The following CCDC30 variants were observed in gnomAD, a reference collection of about 807,000 sequenced individuals.
CCDC30 encodes the protein coiled-coil domain containing 30.
A neutral mutation model predicts 100.2 loss-of-function variants in CCDC30; 70 were observed. The observed-to-expected ratio is 0.70, with a 90% CI of 0.58 to 0.85. The LOEUF is 0.85. Ranked by LOEUF, CCDC30 falls within the 40% of genes least tolerant of loss-of-function variation. CCDC30 has a pLI of 0.00. For synonymous variants in CCDC30, 233 were observed against 269.5 expected, an observed-to-expected ratio of 0.86 and a Z score of 1.33; for missense variants, 652 against 771.2, an observed-to-expected ratio of 0.85 and a Z score of 1.83.
Position 42,573,730 on chromosome 1 carries a change from T to C in CCDC30, c.637-3290T>C, listed in dbSNP as rs146868895. Among the ~76,000 whole-genome samples the C allele has an allele frequency of 7.1e-3, 1,086 of 152,152 alleles. 16 individuals carry two copies. Among genetic ancestry groups the C allele is most frequent in the African/African-American group, 0.025 (1,025 of 41,560 alleles). On this transcript the variant is annotated intron_variant, in intron 7 of 16. Transcript: ENST00000668663. ...TAGCTTTTTAAAAATAGATATTTTA[T>C]CCAAATGTACTTTAGAAAGAAAGAA...
rs755207387 is a variant in CCDC30, at chr1:42,653,940, C to G, written c.2045C>G (p.Ser682Ter). 2.5e-6 allele frequency: 4 copies of G among 1,614,074 alleles called. No homozygotes were observed. In the Admixed American group the frequency reaches 6.7e-5, roughly 27 times the overall value. ...AAGTCTCCTGAGAATCTTGTGTGTT[C>G]ACAGAATTCTGAGGCTGGATACATA... The change falls in exon 17 of 17, where the codon TCA becomes TGA. Residue 682 changes from serine (S) to a stop codon, truncating the protein, a stop_gained. Transcript: ENST00000668663. LOFTEE classifies it low-confidence loss of function (END_TRUNC).
chr1:42,513,202 C>A (rs1048439033), intron 6 of CCDC30, among the ~76,000 whole-genome samples: 1 of 151,978 alleles, frequency 6.6e-6, no homozygotes, highest in Non-Finnish European at 1.5e-5. Context: ...GTTTAATAGG[C>A]AGAAGAAAGG....
At chr1:42,603,580 T>C (rs1185929321) in intron 10 of CCDC30, among the ~76,000 whole-genome samples, 4 of 152,228 alleles carry the variant, frequency 2.6e-5, no homozygotes, top group Admixed American at 2.0e-4. Context: ...GAGATACTAC[T>C]ACATACCTAT....
At chr1:42,501,541 G>T (rs1254074849) in intron 6 of CCDC30, among the ~76,000 whole-genome samples, 5 of 152,222 alleles carry the variant, frequency 3.3e-5, no homozygotes, top group Non-Finnish European at 5.9e-5. Flanking sequence ...CTGATTTTTA[G>T]AATTTTCAGC....
chr1:42,605,912 G>A (rs1646492457), intron 10 of CCDC30, among the ~76,000 whole-genome samples: 1 of 152,128 alleles, frequency 6.6e-6, no homozygotes, highest in Admixed American at 6.5e-5. Context: ...TTTGAACTGT[G>A]TTGGTCCACT....
At chr1:42,551,774 T>C (rs1014682682) in intron 6 of CCDC30, among the ~76,000 whole-genome samples, 2 of 151,236 alleles carry the variant, frequency 1.3e-5, no homozygotes, top group African/African-American at 4.9e-5. Context: ...TGTGTGTGTG[T>C]GACTGGAACT....
chr1:42,521,418 A>G (rs914155204), intron 6 of CCDC30, among the ~76,000 whole-genome samples: 2 of 152,208 alleles, frequency 1.3e-5, no homozygotes, highest in Non-Finnish European at 2.9e-5. Context: ...GTTGGAGAAG[A>G]TACTTTGTAT....
chr1:42,561,674 T>C (rs765468069), intron 6 of CCDC30, among the ~76,000 whole-genome samples: 4 of 151,836 alleles, frequency 2.6e-5, no homozygotes, highest in Non-Finnish European at 5.9e-5. Context: ...GTTGTCTCTG[T>C]AGATGACATG....
chr1:42,460,106 G>T (rs745779231), upstream of CCDC30: 1 of 1,359,388 alleles, frequency 7.4e-7, no homozygotes, highest in Non-Finnish European at 9.4e-7. Context: ...ATGTCATTTT[G>T]ATTTTGAAAT....
At chr1:42,456,306 G>T in the CCDC30 span, 2 of 595,188 alleles carry the variant, frequency 3.4e-6, no homozygotes, top group South Asian at 4.1e-5. Context: ...CTTCACCCAG[G>T]CTAGGAAACG....
intron 6 of CCDC30, among the ~76,000 whole-genome samples, chr1:42,502,541 A>G (rs72637936): frequency 0.2 from 30,491 of 152,094 alleles, 3,338 homozygotes; most frequent in South Asian, 0.42. Flanking sequence ...GAAATCACCC[A>G]TCTTCTGCGT....
intron 6 of CCDC30, among the ~76,000 whole-genome samples, chr1:42,504,114 G>T (rs1351805494): frequency 2.0e-5 from 3 of 152,212 alleles, no homozygotes; most frequent in African/African-American, 7.2e-5. Flanking sequence ...AAAGGAATAG[G>T]TTGGGCTAGT....
chr1:42,594,253 G>A (rs1535870), intron 10 of CCDC30: 38,712 of 152,120 alleles, frequency 0.25, 5,552 homozygotes, highest in South Asian at 0.42. Context: ...TCACGACTGT[G>A]ATCCCAACGA....
intron 9 of CCDC30, among the ~76,000 whole-genome samples, chr1:42,586,688 T>A (rs1646077062): frequency 6.6e-6 from 1 of 152,126 alleles, no homozygotes; most frequent in Admixed American, 6.5e-5. Context: ...CAGTTTGGAC[T>A]TTACCTTAAG....
rs1162407022 is a variant in CCDC30 at position 42,642,471 on chromosome 1, A to G, written c.1420-2A>G. On this transcript the variant is annotated splice_acceptor_variant, in intron 12 of 16. Transcript: ENST00000668663. LOFTEE classifies it high-confidence loss of function. Reference sequence around the variant, plus strand: ...GTAATTAGGAGACTTTCTAATCCCTAGGAGAAGGCAATACAGGACCAGATC... The same window carrying G: ...GTAATTAGGAGACTTTCTAATCCCTGGGAGAAGGCAATACAGGACCAGATC... The G allele has an allele frequency of 3.2e-6, 5 of 1,549,290 alleles. No homozygotes were observed. In the Admixed American group the frequency reaches 9.6e-5, roughly 30 times the overall value.
At chr1:42,526,369 T>TTGGAGG (rs1644724725) in intron 6 of CCDC30, among the ~76,000 whole-genome samples, 1 of 152,154 alleles carries the variant, frequency 6.6e-6, no homozygotes. Flanking sequence ...CTGTTTTTCA[T>TTGGAGG]GTCTATTTTT....
Position 42,573,696 on chromosome 1 carries a change from A to G in CCDC30, c.637-3324A>G, listed in dbSNP as rs548583353. 9.2e-5 allele frequency among the ~76,000 whole-genome samples: 14 copies of G among 152,150 alleles called. 1 individual carries two copies. The highest frequency in any genetic ancestry group is 6.2e-4 in the South Asian group (3 of 4,826). On this transcript the variant is annotated intron_variant, in intron 7 of 16. Transcript: ENST00000668663. ...AAGCTCTCAAATTTCACCATTTAGT[A>G]TGTTTTTATAGCTTTTTAAAAATAG...
the CCDC30 span, chr1:42,457,111 C>T: frequency 6.3e-7 from 1 of 1,575,436 alleles, no homozygotes; most frequent in East Asian, 2.2e-5. Context: ...CCTGGAAGCA[C>T]AGCCTTTCTT....
At chr1:42,569,453 C>T (rs1047651104) in intron 7 of CCDC30, among the ~76,000 whole-genome samples, 4 of 152,012 alleles carry the variant, frequency 2.6e-5, no homozygotes, top group Non-Finnish European at 5.9e-5. Context: ...GTTAGAATGG[C>T]GATCATTAAA....
Sources: allele counts gnomAD v4.1 joint callset (sites outside exome capture counted in the v4.1 genomes callset), GRCh38; gene constraint gnomAD v4.1.1; transcripts MANE v1.5; gene names NCBI Gene and HGNC (gene_info 2026-07-23, HGNC 2026-07-21).